Variants in TRPC5 observed in about 807,000 individuals in gnomAD.
TRPC5 encodes short transient receptor potential channel 5.
TRPC5 carries 9 observed loss-of-function variants against 56.5 expected under a neutral mutation model. That is an observed-to-expected ratio of 0.16 (90% CI 0.10 to 0.28). The LOEUF is 0.28. Among genes scored for constraint, TRPC5 ranks in the 10% least tolerant of loss-of-function variants. TRPC5 has a pLI of 1.00. For synonymous variants in TRPC5, 282 were observed against 278.5 expected, an observed-to-expected ratio of 1.01 and a Z score of -0.13; for missense variants, 469 against 748.9, an observed-to-expected ratio of 0.63 and a Z score of 4.36.
intron 1 of TRPC5, among the ~76,000 whole-genome samples, chrX:112,068,232 T>C (rs182590756): frequency 2.3e-4 from 26 of 112,680 alleles, no homozygotes; most frequent in Non-Finnish European, 4.1e-4. Context: ...TAGTTTGTTC[T>C]AGCTATCCAG....
intron 3 of TRPC5, among the ~76,000 whole-genome samples, chrX:111,892,602 G>A (rs1057043134): frequency 2.7e-5 from 3 of 111,678 alleles, no homozygotes; most frequent in African/African-American, 9.8e-5. Context: ...AGACTAGGAG[G>A]ATTTGCTAAT....
At chrX:111,968,326 C>T (rs369943626) in intron 1 of TRPC5, among the ~76,000 whole-genome samples, 1 of 111,397 alleles carries the variant, frequency 9.0e-6, no homozygotes, top group Non-Finnish European at 1.9e-5. Context: ...CAGGAAACAA[C>T]AGGTGCTGGA....
chrX:111,809,882 G>GTT (rs768396316), intron 7 of TRPC5, among the ~76,000 whole-genome samples: 18 of 99,149 alleles, frequency 1.8e-4, no homozygotes, highest in African/African-American at 6.4e-4. Flanking sequence ...TCTTCATTTT[G>GTT]TTTTTTTTTT....
At chrX:112,071,706 T>C (rs1298650831) in intron 1 of TRPC5, among the ~76,000 whole-genome samples, 8 of 112,161 alleles carry the variant, frequency 7.1e-5, no homozygotes, top group African/African-American at 2.6e-4. Flanking sequence ...TCATGAAATG[T>C]ATTTTCTTTT....
At chrX:111,997,269 G>T (rs767737639) in intron 1 of TRPC5, among the ~76,000 whole-genome samples, 1 of 111,389 alleles carries the variant, frequency 9.0e-6, no homozygotes, top group East Asian at 2.8e-4. Context: ...GCTTAGTTTG[G>T]CTGGATATGA....
intron 7 of TRPC5, among the ~76,000 whole-genome samples, chrX:111,804,038 G>A (rs190598997): frequency 3.6e-4 from 40 of 112,239 alleles, no homozygotes; most frequent in African/African-American, 1.2e-3. Flanking sequence ...TAAGGTGTAA[G>A]TAAGGGATCC....
chrX:111,959,067 G>A (rs1411434541), intron 1 of TRPC5, among the ~76,000 whole-genome samples: 1 of 112,474 alleles, frequency 8.9e-6, no homozygotes, highest in Non-Finnish European at 1.9e-5. Context: ...GAGTCCTTGA[G>A]ATTGGATTGC....
chrX:111,782,273 C>T, intron 7 of TRPC5, 135 bp from the exon 8 acceptor site: 1 of 469,756 alleles, frequency 2.1e-6, no homozygotes, highest in East Asian at 3.9e-5. Flanking sequence ...TATACATACC[C>T]TGTCACCCAG....
intron 1 of TRPC5, among the ~76,000 whole-genome samples, chrX:111,969,563 A>C (rs1603123830): frequency 8.9e-6 from 1 of 112,138 alleles, no homozygotes; most frequent in African/African-American, 3.2e-5. Context: ...TGTTAGCTGA[A>C]GTTATTGGGT....
intron 3 of TRPC5, among the ~76,000 whole-genome samples, chrX:111,901,001 A>G (rs1223090374): frequency 1.8e-5 from 2 of 111,607 alleles, no homozygotes; most frequent in Admixed American, 1.9e-4. Context: ...GCTTTAGATA[A>G]AGTTGGAAGA....
rs187592364 is a variant in TRPC5 at position 111,793,771 on chromosome X, T to C, written c.1897-11633A>G. Among the ~76,000 whole-genome samples the C allele has an allele frequency of 4.0e-3, 448 of 112,238 alleles. 1 individual carries two copies. Among genetic ancestry groups the C allele is most frequent in the African/African-American group, 0.014 (427 of 30,893 alleles). On this transcript the variant is annotated intron_variant, in intron 7 of 10. Coordinates refer to ENST00000262839, the MANE Select transcript of TRPC5 (RefSeq NM_012471.3). ...TATACAAATGTTCACAGCAGCATTT[T>C]TATAATGACTGAAGAATGAAAATAA...
At chrX:111,882,302 G>A (rs931870719) in intron 3 of TRPC5, among the ~76,000 whole-genome samples, 3 of 111,473 alleles carry the variant, frequency 2.7e-5, no homozygotes, top group African/African-American at 9.8e-5. Context: ...AGTACCTCTG[G>A]CTGCAAAGAG....
chrX:111,927,046 G>A lies in TRPC5; in HGVS notation c.379-14234C>T, dbSNP rs1031889974. Among the ~76,000 whole-genome samples, 20 of 112,287 alleles carry A rather than the reference G, an allele frequency of 1.8e-4. No individual in the cohort carries two copies. The Admixed American group carries it at 1.9e-3, about 11-fold the overall frequency. ...GTCTAGAAACATGAATGGGGATACT[G>A]GGAAGGATATGTGACAGGGACTCCA... On this transcript the variant is annotated intron_variant, in intron 2 of 10. Coordinates refer to ENST00000262839, the MANE Select transcript of TRPC5 (RefSeq NM_012471.3).
chrX:111,838,611 T>G (rs1922636958), intron 6 of TRPC5, among the ~76,000 whole-genome samples: 1 of 112,228 alleles, frequency 8.9e-6, no homozygotes, highest in African/African-American at 3.2e-5. Context: ...CCATTTTTAT[T>G]TAGCAGAGAG....
intron 1 of TRPC5, among the ~76,000 whole-genome samples, chrX:111,990,276 G>A (rs1928318984): frequency 9.0e-6 from 1 of 110,710 alleles, no homozygotes; most frequent in African/African-American, 3.3e-5. Flanking sequence ...AAATTAGCCA[G>A]GCATGGTGGT....
At chrX:111,829,416 A>G (rs910315932) in intron 7 of TRPC5, among the ~76,000 whole-genome samples, 1 of 111,494 alleles carries the variant, frequency 9.0e-6, no homozygotes, top group Admixed American at 9.5e-5. Context: ...AATTTGCATA[A>G]GTAATGAGGA....
At chrX:112,036,130 A>C (rs1399402811) in intron 1 of TRPC5, among the ~76,000 whole-genome samples, 1 of 110,404 alleles carries the variant, frequency 9.1e-6, no homozygotes, top group African/African-American at 3.3e-5. Context: ...CATGTGTCCT[A>C]CTCTGGGGAT....
Position 111,872,826 on chromosome X carries a change from T to C in TRPC5, c.901-18720A>G, listed in dbSNP as rs976762982. ...ACAATGAAATACCATCTCATACCAG[T>C]CAGAATGGCGATTATTAAAAAGTCA... On this transcript the variant is annotated intron_variant, in intron 3 of 10. Transcript: ENST00000262839. Among the ~76,000 whole-genome samples, 37 of 111,840 alleles carry C rather than the reference T, an allele frequency of 3.3e-4. No individual in the cohort carries two copies. The Admixed American group carries it at 3.4e-3, about 10-fold the overall frequency.
At chrX:111,896,831 A>G (rs1455707178) in intron 3 of TRPC5, among the ~76,000 whole-genome samples, 1 of 111,902 alleles carries the variant, frequency 8.9e-6, no homozygotes, top group Admixed American at 9.5e-5. Flanking sequence ...TTATGTGATC[A>G]TGGGCAAATT....
Sources: gnomAD v4.1 joint callset for allele counts (sites outside exome capture counted in the v4.1 genomes callset) on GRCh38, gnomAD v4.1.1 for gene constraint, MANE v1.5 for transcripts, NCBI Gene and HGNC (gene_info 2026-07-23, HGNC 2026-07-21) for gene names.